Variants in TTC39A observed in about 807,000 individuals in gnomAD.
TTC39A encodes the protein tetratricopeptide repeat protein 39A.
TTC39A carries 46 observed loss-of-function variants against 82.3 expected under a neutral mutation model. The ratio of observed to expected loss-of-function variants is 0.56; its 90% CI spans 0.44 to 0.71. The LOEUF is 0.71. TTC39A is among the 30% of genes least tolerant of loss of function. TTC39A has a pLI of 0.00. For missense variants in TTC39A, 543 were observed against 712.9 expected (o/e 0.76, Z 2.71); for synonymous variants, 254 against 275.2 (o/e 0.92, Z 0.76).
At position 51,330,117 on chromosome 1, in the gene TTC39A, G is replaced by GCCCA. The variant is rs1430198296; in HGVS notation, c.41+316_41+319dup. On this transcript the variant is annotated intron_variant, in intron 1 of 17. Coordinates refer to ENST00000680483, the MANE Select transcript of TTC39A (RefSeq NM_001297663.2). The surrounding 1 kb of genome is among the most constrained non-coding windows in gnomAD (Gnocchi z 4.5). ...CTGTAATGGGGATGAGAGTAACAGG[G>GCCCA]CCCACCCCACAGGAGTGAACGCCAC... The GCCCA allele has an allele frequency of 1.2e-5, 12 of 984,444 alleles. No individual in the cohort carries two copies. The African/African-American group carries it at 2.1e-4, about 17-fold the overall frequency. The allele number at this position is 984,444 out of a possible 1,614,324, so 61.0% of individuals were successfully genotyped here.
At chr1:51,329,231 C>T (rs1324053520) in intron 1 of TTC39A, among the ~76,000 whole-genome samples, 4 of 152,160 alleles carry the variant, frequency 2.6e-5, no homozygotes, top group Admixed American at 1.3e-4. Context: ...GCCTTCTCTC[C>T]TGGAAACCAC....
intron 2 of TTC39A, among the ~76,000 whole-genome samples, chr1:51,319,773 C>G (rs1202025673): frequency 6.6e-6 from 1 of 151,714 alleles, no homozygotes; most frequent in African/African-American, 2.4e-5. Context: ...TCACTGCAAC[C>G]TCCACCTCCT....
chr1:51,305,949 G>A (rs767510846), intron 7 of TTC39A, 28 bp downstream of exon 7: 1 of 1,604,926 alleles, frequency 6.2e-7, no homozygotes, highest in South Asian at 1.1e-5. Flanking sequence ...CAAGCCAGGT[G>A]CTGTGGAAAT....
At chr1:51,337,566 A>G (rs1645990292) in intron 1 of TTC39A, among the ~76,000 whole-genome samples, 1 of 151,458 alleles carries the variant, frequency 6.6e-6, no homozygotes, top group African/African-American at 2.4e-5. Context: ...AGCTGAGACT[A>G]CAGGTGCCCG....
Position 51,330,143 on chromosome 1 carries a change from G to A in TTC39A, c.41+294C>T, listed in dbSNP as rs1645850581. On this transcript the variant is annotated intron_variant, in intron 1 of 17. Transcript: ENST00000680483. This position sits in a 1 kb window ranked among gnomAD's most constrained non-coding sequence, Gnocchi z 4.5. ...CCCACCCCACAGGAGTGAACGCCAC[G>A]AGGCAGGTGGGGAAGGCTGCTCTGA... is the stretch of plus-strand genomic sequence containing the variant. The A allele has an allele frequency of 1.0e-6, 1 of 985,436 alleles. No homozygotes were observed. The highest frequency in any genetic ancestry group is 1.7e-5 in the African/African-American group (1 of 57,244). The allele number at this position is 985,436 out of a possible 1,614,324, so 61.0% of individuals were successfully genotyped here. A position where few individuals can be genotyped will look rare whatever the true frequency, so the allele number is the denominator to read the frequency against.
In TTC39A at chr1:51,322,196, G is replaced by C. The variant is rs72906171; in HGVS notation, c.42-371C>G. 9,295 of 1,532,628 alleles carry C rather than the reference G, an allele frequency of 6.1e-3. 551 individuals carry two copies. The African/African-American group carries it at 0.12, about 19-fold the overall frequency. The allele number at this position is 1,532,628 out of a possible 1,614,324, so 94.9% of individuals were successfully genotyped here. A position where few individuals can be genotyped will look rare whatever the true frequency, so the allele number is the denominator to read the frequency against. ...CTGCCCCCCCAGGGGGTGCAGCCCA[G>C]CCACTAAATCCCACAGCCCCTTTTT... On this transcript the variant is annotated intron_variant, in intron 1 of 17. Transcript: ENST00000680483.
chr1:51,292,241 T>C (rs977227747), intron 14 of TTC39A, among the ~76,000 whole-genome samples: 5 of 152,224 alleles, frequency 3.3e-5, no homozygotes, highest in Admixed American at 2.0e-4. Context: ...TCATTCATAG[T>C]AACTGTGTTT....
intron 1 of TTC39A, among the ~76,000 whole-genome samples, chr1:51,339,075 A>G (rs1646006077): frequency 6.6e-6 from 1 of 152,222 alleles, no homozygotes; most frequent in Admixed American, 6.5e-5. Flanking sequence ...TTAGCTTGAA[A>G]TGAATTGAGC....
At chr1:51,322,065 G>T in intron 1 of TTC39A, 1 of 1,539,974 alleles carries the variant, frequency 6.5e-7, no homozygotes. Flanking sequence ...GTTGGAGGTG[G>T]GGGAGGGGCC....
At chr1:51,307,352 G>A (rs1044653559) in intron 6 of TTC39A, among the ~76,000 whole-genome samples, 5 of 152,130 alleles carry the variant, frequency 3.3e-5, no homozygotes, top group African/African-American at 1.2e-4. Flanking sequence ...ATGTCCACAT[G>A]CTATATGGTA....
intron 12 of TTC39A, 194 bp downstream of exon 12, chr1:51,301,377 CT>C: frequency 3.2e-6 from 2 of 624,902 alleles, no homozygotes; most frequent in Non-Finnish European, 5.3e-6. Flanking sequence ...CTAGAAATCT[CT>C]TTGTGACACA....
chr1:51,306,433 T>C (rs1017648761), intron 6 of TTC39A, among the ~76,000 whole-genome samples: 8 of 152,186 alleles, frequency 5.3e-5, no homozygotes, highest in Non-Finnish European at 1.2e-4. Context: ...GTTCTGTGCA[T>C]TGTAGGATGT....
rs1644330176 is a variant in TTC39A at position 51,294,318 on chromosome 1, CT to C, written c.1266+72del. On this transcript the variant is annotated intron_variant, in intron 14 of 17. Transcript: ENST00000680483. The surrounding 1 kb of genome is among the most constrained non-coding windows in gnomAD (Gnocchi z 4.3). ...GGTCTTTCTCCTCATCCACCTCCCC[CT>C]GGCTGTGGCTCTCAGTGAATCCCCA... The C allele has an allele frequency of 1.3e-5, 21 of 1,603,200 alleles. No homozygotes were observed. The highest frequency in any genetic ancestry group is 1.6e-5 in the Non-Finnish European group (19 of 1,172,664).
Position 51,294,420 on chromosome 1 carries a change from TGGA to T in TTC39A, c.1234_1236del (p.Ser412del), listed in dbSNP as rs750460455. On this transcript the variant is annotated inframe_deletion, in exon 14 of 18. Coordinates refer to ENST00000680483, the MANE Select transcript of TTC39A (RefSeq NM_001297663.2). This position sits in a 1 kb window ranked among gnomAD's most constrained non-coding sequence, Gnocchi z 4.3. ...GCAGGCACTGGCAGCGAGATAGGGT[TGGA>T]GGAGAAGTAGCGCCGGGACTTCCGG... 26 of 1,613,824 alleles carry T rather than the reference TGGA, an allele frequency of 1.6e-5. No individual in the cohort carries two copies. In the Admixed American group the frequency reaches 1.7e-4, roughly 10 times the overall value.
In TTC39A at chr1:51,330,034, C is replaced by G; in HGVS notation, c.41+403G>C. 2.9e-6 allele frequency: 2 copies of G among 684,130 alleles called. No individual in the cohort carries two copies. The highest frequency in any genetic ancestry group is 3.6e-6 in the Non-Finnish European group (2 of 554,912). The allele number at this position is 684,130 out of a possible 1,614,324, so 42.4% of individuals were successfully genotyped here. On this transcript the variant is annotated intron_variant, in intron 1 of 17. Transcript: ENST00000680483. The surrounding 1 kb of genome is among the most constrained non-coding windows in gnomAD (Gnocchi z 4.5). ...CTGAGTTCAAATCCCACCCGCAACT[C>G]TTACCTCCTGGGTGACCGATGACAA...
intron 4 of TTC39A, among the ~76,000 whole-genome samples, chr1:51,311,823 C>A (rs984290697): frequency 6.6e-6 from 1 of 152,246 alleles, no homozygotes; most frequent in African/African-American, 2.4e-5. Flanking sequence ...GCACATACAA[C>A]TCTAAACACC....
intron 12 of TTC39A, 116 bp from the exon 13 acceptor site, chr1:51,296,286 C>A (rs547587319): frequency 4.8e-5 from 46 of 965,134 alleles, no homozygotes; most frequent in Non-Finnish European, 7.0e-5. Context: ...TGTCTCCAAG[C>A]CCCAGGGGAG....
At chr1:51,325,115 G>A (rs1415358663) in intron 1 of TTC39A, among the ~76,000 whole-genome samples, 3 of 152,070 alleles carry the variant, frequency 2.0e-5, no homozygotes, top group Admixed American at 6.5e-5. Flanking sequence ...TTAACTGGGC[G>A]TGGTGGCATA....
chr1:51,342,656 G>A (rs1646051294), intron 1 of TTC39A, among the ~76,000 whole-genome samples: 1 of 152,210 alleles, frequency 6.6e-6, no homozygotes, highest in Non-Finnish European at 1.5e-5. Flanking sequence ...TGGAGACCCA[G>A]GTTTGAGCCT....
Sources: allele counts gnomAD v4.1 joint callset (sites outside exome capture counted in the v4.1 genomes callset), GRCh38; gene constraint gnomAD v4.1.1; non-coding constraint Gnocchi (gnomAD v3.1); transcripts MANE v1.5; gene names NCBI Gene and HGNC (gene_info 2026-07-23, HGNC 2026-07-21).